The following KIAA0753 variants were observed in gnomAD, a reference collection of about 807,000 sequenced individuals.
KIAA0753 encodes protein moonraker.
In KIAA0753, 114 loss-of-function variants were observed where a neutral mutation model predicts 116.9. The observed-to-expected ratio is 0.98, with a 90% CI of 0.84 to 1.14. The LOEUF (loss-of-function observed/expected upper bound fraction) is 1.14. KIAA0753 is among the 50% of genes most tolerant of loss of function. The probability of loss-of-function intolerance (pLI) is 0.00; values close to 1 mark genes in which losing one functional copy is unlikely to be tolerated. For missense variants in KIAA0753, 1,156 were observed against 1,172.4 expected (o/e 0.99, Z 0.20); for synonymous variants, 405 against 413.1 (o/e 0.98, Z 0.24).
At chr17:6,582,817 T>C (rs777966136) in intron 18 of KIAA0753, among the ~76,000 whole-genome samples, 1 of 152,190 alleles carries the variant, frequency 6.6e-6, no homozygotes, top group Non-Finnish European at 1.5e-5. Flanking sequence ...CTAACATTAA[T>C]TGATATTCTT....
At position 6,599,303 on chromosome 17, in the gene KIAA0753, TGTA is replaced by T; in HGVS notation, c.2103_2105del (p.Thr702del). On this transcript the variant is annotated inframe_deletion, in exon 14 of 19. Transcript: ENST00000361413. ...CATCTTTCAAATGAATATTTGCTTCTGTAGTAGAATTGACTCTCTATTAAAACA... is the reference window on the plus strand; with the variant it reads ...CATCTTTCAAATGAATATTTGCTTCTGTAGAATTGACTCTCTATTAAAACA... 6.2e-7 allele frequency: 1 copy of T among 1,612,718 alleles called. No individual in the cohort carries two copies. Among genetic ancestry groups the T allele is most frequent in the East Asian group, 2.2e-5 (1 of 44,868 alleles).
intron 2 of KIAA0753, 165 bp downstream of exon 2, chr17:6,634,846 T>C (rs1972213306): frequency 1.7e-6 from 1 of 573,278 alleles, no homozygotes. Flanking sequence ...GGGGTGATTC[T>C]GCAAAAATTT....
chr17:6,622,987 A>G lies in KIAA0753; in HGVS notation c.999T>C (p.Cys333=), dbSNP rs1222231847. The part of the protein sequence containing the change: ...DRGEHPLPAR[C]KELGSLIRQL... Reference sequence around the variant, plus strand: ...GGCGAATAAGGCTGCCCAGTTCCTTACACCGAGCAGGAAGTGGATGCTCCC... The same window carrying G: ...GGCGAATAAGGCTGCCCAGTTCCTTGCACCGAGCAGGAAGTGGATGCTCCC... The change falls in exon 6 of 19, where the codon TGT becomes TGC. Residue 333 remains cysteine (C), a synonymous_variant. Transcript: ENST00000361413. 4 of 1,614,206 alleles carry G rather than the reference A, an allele frequency of 2.5e-6. No homozygotes were observed. The Admixed American group carries it at 6.7e-5, about 27-fold the overall frequency.
At position 6,609,993 on chromosome 17, in the gene KIAA0753, C is replaced by T; in HGVS notation, c.1712+1G>A. ...AAACGGTCCCTTGAGTTTTCACATACCATTTAGGAGACGCTGGTGGGGATG... is the reference window on the plus strand; with the variant it reads ...AAACGGTCCCTTGAGTTTTCACATATCATTTAGGAGACGCTGGTGGGGATG... On this transcript the variant is annotated splice_donor_variant, in intron 9 of 18. Coordinates refer to ENST00000361413, the MANE Select transcript of KIAA0753 (RefSeq NM_014804.3). LOFTEE classifies it high-confidence loss of function. 1.2e-6 allele frequency: 2 copies of T among 1,613,952 alleles called. No homozygotes were observed. Among genetic ancestry groups the T allele is most frequent in the Non-Finnish European group, 1.7e-6 (2 of 1,179,896 alleles).
rs763640030 is a variant in KIAA0753, at chr17:6,579,720, C to T, written c.*27G>A. On this transcript the variant is annotated 3_prime_UTR_variant, in exon 19 of 19. Coordinates refer to ENST00000361413, the MANE Select transcript of KIAA0753 (RefSeq NM_014804.3). ...TGGTGCCATCCCTTCTCCAGTGTGA[C>T]ACAAATGGCCTCGCCTCAGAGAGCC... 10 of 1,512,974 alleles carry T rather than the reference C, an allele frequency of 6.6e-6. No individual in the cohort carries two copies. The highest frequency in any genetic ancestry group is 2.3e-5 in the East Asian group (1 of 44,370). The allele number at this position is 1,512,974 out of a possible 1,614,324, so 93.7% of individuals were successfully genotyped here.
intron 3 of KIAA0753, among the ~76,000 whole-genome samples, chr17:6,627,046 T>C (rs1971714315): frequency 6.6e-6 from 1 of 152,234 alleles, no homozygotes; most frequent in Non-Finnish European, 1.5e-5. Context: ...GTTCATGATA[T>C]TATACAACAC....
At position 6,629,683 on chromosome 17, in the gene KIAA0753, G is replaced by C. The variant is rs116025803; in HGVS notation, c.94-942C>G. Among the ~76,000 whole-genome samples, 466 of 152,288 alleles carry C rather than the reference G, an allele frequency of 3.1e-3. 5 individuals are homozygous for C. Among genetic ancestry groups the C allele is most frequent in the African/African-American group, 0.011 (452 of 41,548 alleles). On this transcript the variant is annotated intron_variant, in intron 2 of 18. Coordinates refer to ENST00000361413, the MANE Select transcript of KIAA0753 (RefSeq NM_014804.3). ...CATGCCTACAAATTCAATGAACCCA[G>C]TCCTGTGATGCCGTGACCTTGGAGA...
intron 16 of KIAA0753, among the ~76,000 whole-genome samples, chr17:6,593,317 C>T (rs1022257797): frequency 1.1e-4 from 17 of 152,254 alleles, no homozygotes; most frequent in Admixed American, 8.5e-4. Flanking sequence ...CAGTGGTTCA[C>T]GCCTGTAATC....
At chr17:6,588,844 A>G (rs1567536832) in intron 18 of KIAA0753, among the ~76,000 whole-genome samples, 1 of 152,214 alleles carries the variant, frequency 6.6e-6, no homozygotes, top group Non-Finnish European at 1.5e-5. Flanking sequence ...TTTAGTAGCT[A>G]CAGGATCTTG....
chr17:6,620,686 C>G, intron 7 of KIAA0753, 102 bp downstream of exon 7: 3 of 1,116,100 alleles, frequency 2.7e-6, no homozygotes, highest in Non-Finnish European at 2.7e-6. Flanking sequence ...CTGTTGTGGG[C>G]TAGGTCCTAA....
chr17:6,610,342 G>T (rs1970449946), intron 8 of KIAA0753, among the ~76,000 whole-genome samples, 182 bp from the exon 9 acceptor site: 1 of 81,676 alleles, frequency 1.2e-5, no homozygotes, highest in African/African-American at 6.6e-5. Context: ...AACAACCATG[G>T]TAGGGGCGGG....
chr17:6,624,716 C>A (rs1478410096), intron 4 of KIAA0753, 39 bp downstream of exon 4: 2 of 1,346,458 alleles, frequency 1.5e-6, no homozygotes, highest in African/African-American at 2.9e-5. Flanking sequence ...AAGCAGTACA[C>A]AAGGCTGACT....
intron 16 of KIAA0753, among the ~76,000 whole-genome samples, chr17:6,591,046 A>AGGAAGAAG (rs368460503): frequency 1.9e-3 from 91 of 48,250 alleles, no homozygotes; most frequent in Non-Finnish European, 2.7e-3. Context: ...AGAAGGAAGA[A>AGGAAGAAG]GAAGAAGAAG....
Position 6,579,591 on chromosome 17 carries a change from G to A in KIAA0753, c.*156C>T. ...TTGCCATGACAAAAGAAAATGCAAA[G>A]TGAGGATGACCTCCCCGGCACTGCC... On this transcript the variant is annotated 3_prime_UTR_variant, in exon 19 of 19. Transcript: ENST00000361413. 1.6e-6 allele frequency: 1 copy of A among 643,178 alleles called. No individual in the cohort carries two copies. The highest frequency in any genetic ancestry group is 2.8e-6 in the Non-Finnish European group (1 of 357,394). 39.8% of individuals were successfully genotyped at this position (643,178 alleles called of 1,614,324 possible). A position where few individuals can be genotyped will look rare whatever the true frequency, so the allele number is the denominator to read the frequency against.
intron 6 of KIAA0753, among the ~76,000 whole-genome samples, chr17:6,622,636 AC>A (rs1452745611): frequency 1.1e-4 from 17 of 152,246 alleles, no homozygotes; most frequent in Admixed American, 1.1e-3. Context: ...TAGTTAATGA[AC>A]CTGGTTTAAA....
rs765963326 is a variant in KIAA0753 at position 6,606,992 on chromosome 17, C to T, written c.1920-30G>A. The T allele has an allele frequency of 6.9e-6, 11 of 1,600,864 alleles. No individual in the cohort carries two copies. The Admixed American group carries it at 1.3e-4, about 19-fold the overall frequency. On this transcript the variant is annotated intron_variant, in intron 11 of 18. Transcript: ENST00000361413. ...AGAACAGTATCAAGAGTCACCCCAA[C>T]TCTCCTCAAGGCAGAGTCAGGGCTC...
chr17:6,612,136 G>A lies in KIAA0753; in HGVS notation c.1328C>T (p.Pro443Leu), dbSNP rs772129215. Reference protein sequence around the residue: ...AKQLLADKYQPDTELPETQRL... With the variant: ...AKQLLADKYQLDTELPETQRL... ...CTGGGTCTCCGGAAGCTCCGTATCG[G>A]GCTGATACTTATCTACATGGAAATT... The change falls in exon 8 of 19, where the codon CCC (proline) becomes CTC (leucine). Residue 443 changes from proline (P) to leucine (L), a missense_variant. Physicochemically the swap from Pro to Leu is moderately conservative, Grantham distance 98. Transcript: ENST00000361413. 4 of 1,605,704 alleles carry A rather than the reference G, an allele frequency of 2.5e-6. No homozygotes were observed. Among genetic ancestry groups the A allele is most frequent in the East Asian group, 2.2e-5 (1 of 44,872 alleles).
intron 2 of KIAA0753, among the ~76,000 whole-genome samples, chr17:6,633,508 C>A (rs1329348635): frequency 6.6e-6 from 1 of 152,138 alleles, no homozygotes; most frequent in Non-Finnish European, 1.5e-5. Context: ...TATACACCTA[C>A]CCCATGACTC....
rs563578661 is a variant in KIAA0753 at position 6,602,273 on chromosome 17, C to T, written c.2010-1815G>A. Among the ~76,000 whole-genome samples, 3 of 152,290 alleles carry T rather than the reference C, an allele frequency of 2.0e-5. No homozygotes were observed. The South Asian group carries it at 6.2e-4, about 32-fold the overall frequency. ...CAGAAATTATACTCCTAGGCATTTA[C>T]CCAAGAGAAATGAAAGCATATTTCT... is the stretch of plus-strand genomic sequence containing the variant. On this transcript the variant is annotated intron_variant, in intron 12 of 18. Transcript: ENST00000361413.
Sources: gnomAD v4.1 joint callset for allele counts (sites outside exome capture counted in the v4.1 genomes callset) on GRCh38, gnomAD v4.1.1 for gene constraint, MANE v1.5 for transcripts, NCBI Gene and HGNC (gene_info 2026-07-23, HGNC 2026-07-21) for gene names.